The following SIK2 variants were observed in gnomAD, a reference collection of about 807,000 sequenced individuals.
SIK2 encodes salt inducible kinase 2.
In SIK2, 29 loss-of-function variants were observed where a neutral mutation model predicts 103.2. That is an observed-to-expected ratio of 0.28 (90% CI 0.21 to 0.38). The LOEUF is 0.38. Among genes scored for constraint, SIK2 ranks in the 10% least tolerant of loss-of-function variants. The pLI is 1.00. For missense variants in SIK2, 879 were observed against 1,171.0 expected, an observed-to-expected ratio of 0.75 and a Z score of 3.64; for synonymous variants, 412 against 446.1, an observed-to-expected ratio of 0.92 and a Z score of 0.96.
chr11:111,692,429 G>A (rs1382711907), intron 4 of SIK2, among the ~76,000 whole-genome samples: 1 of 147,482 alleles, frequency 6.8e-6, no homozygotes, highest in Non-Finnish European at 1.5e-5. Flanking sequence ...AGAGATCGAG[G>A]CTGGGGTATC....
chr11:111,671,760 C>A, intron 3 of SIK2: 1 of 410,210 alleles, frequency 2.4e-6, no homozygotes, highest in South Asian at 2.1e-5. Context: ...GACTCCAGCT[C>A]TGCTTTGTTC....
Position 111,724,072 on chromosome 11 carries a change from T to C in SIK2, c.2724T>C (p.Asp908=). ...TCTCTGAGCTACCTGGACTCTTTGA[T>C]TGTGAAATGCTAGACGCTGTGGATC... ...LALSELPGLF[D]CEMLDAVDPQ... Residue 908 remains aspartate (D), a synonymous_variant, in exon 15 of 15, where the codon GAT becomes GAC. Transcript: ENST00000304987. 3.7e-6 allele frequency: 6 copies of C among 1,613,874 alleles called. No homozygotes were observed. Among genetic ancestry groups the C allele is most frequent in the Non-Finnish European group, 5.1e-6 (6 of 1,180,036 alleles).
intron 1 of SIK2, among the ~76,000 whole-genome samples, chr11:111,606,881 A>G (rs1022835136): frequency 2.0e-5 from 3 of 152,122 alleles, no homozygotes; most frequent in Admixed American, 1.3e-4. Flanking sequence ...TGGGAGGCCA[A>G]TGCAGATGGG....
chr11:111,692,349 T>C (rs2135902458), intron 4 of SIK2, among the ~76,000 whole-genome samples: 1 of 31,312 alleles, frequency 3.2e-5, no homozygotes, highest in African/African-American at 1.5e-4. Flanking sequence ...AGACTCAGTC[T>C]CAAAAAAAAA....
intron 9 of SIK2, among the ~76,000 whole-genome samples, chr11:111,716,213 G>C (rs956505656): frequency 2.0e-5 from 3 of 152,326 alleles, no homozygotes; most frequent in South Asian, 4.1e-4. Flanking sequence ...TGCAGACACA[G>C]TGGAGGTGTT....
chr11:111,612,818 C>A (rs866978704), intron 1 of SIK2, among the ~76,000 whole-genome samples: 5 of 151,300 alleles, frequency 3.3e-5, no homozygotes, highest in South Asian at 4.2e-4. Context: ...GTTAGAGTTC[C>A]CATGTTACAA....
chr11:111,608,034 A>G (rs1045501686), intron 1 of SIK2, among the ~76,000 whole-genome samples: 1 of 152,188 alleles, frequency 6.6e-6, no homozygotes. Context: ...TTGGAGGCAA[A>G]TGGGTTCCAG....
intron 9 of SIK2, among the ~76,000 whole-genome samples, chr11:111,716,770 C>T (rs928198220): frequency 1.3e-5 from 2 of 151,890 alleles, no homozygotes; most frequent in Admixed American, 6.6e-5. Context: ...GGGGTACTGC[C>T]GGGTATTTTG....
Position 111,720,724 on chromosome 11 carries a change from G to A in SIK2, c.1742G>A (p.Arg581Lys). Residue 581 changes from arginine (R) to lysine (K), a missense_variant, in exon 11 of 15, where the codon AGA becomes AAA. Physicochemically the swap from Arg to Lys is conservative, Grantham distance 26. Coordinates refer to ENST00000304987, the MANE Select transcript of SIK2 (RefSeq NM_015191.3). ...EVHNRSPVSF[R>K]EGRRASDTSL... ...CACAACAGGTCTCCAGTGAGCTTCA[G>A]AGAGGGCCGCAGAGCATCAGATACC... is the stretch of plus-strand genomic sequence containing the variant. 1 of 1,610,282 alleles carries A rather than the reference G, an allele frequency of 6.2e-7. No individual in the cohort carries two copies. Among genetic ancestry groups the A allele is most frequent in the Non-Finnish European group, 8.5e-7 (1 of 1,178,280 alleles).
chr11:111,607,888 C>T (rs1170586961), intron 1 of SIK2, among the ~76,000 whole-genome samples: 1 of 152,108 alleles, frequency 6.6e-6, no homozygotes, highest in East Asian at 1.9e-4. Flanking sequence ...TGATTTTAAA[C>T]CCTCTGGGAA....
intron 3 of SIK2, among the ~76,000 whole-genome samples, chr11:111,684,412 C>A (rs191319167): frequency 1.7e-4 from 26 of 152,198 alleles, no homozygotes; most frequent in Admixed American, 5.2e-4. Flanking sequence ...TTCCCACTAA[C>A]CTCCATTGAC....
chr11:111,606,312 A>G (rs999100352), intron 1 of SIK2, among the ~76,000 whole-genome samples: 1 of 152,076 alleles, frequency 6.6e-6, no homozygotes, highest in African/African-American at 2.4e-5. Flanking sequence ...TCTTATTATA[A>G]TATAAAAAAT....
chr11:111,603,064 G>T (rs1030503383), intron 1 of SIK2, among the ~76,000 whole-genome samples: 1 of 151,878 alleles, frequency 6.6e-6, no homozygotes, highest in African/African-American at 2.4e-5. Context: ...CCTGCTTTCG[G>T]CTGGGGGTGG....
chr11:111,707,959 T>A (rs922137629), intron 8 of SIK2, among the ~76,000 whole-genome samples: 16 of 152,286 alleles, frequency 1.1e-4, no homozygotes, highest in African/African-American at 3.9e-4. Flanking sequence ...ATACAGTTAG[T>A]TAACCTGTAC....
chr11:111,611,236 G>A (rs1382958958), intron 1 of SIK2, among the ~76,000 whole-genome samples: 1 of 84,000 alleles, frequency 1.2e-5, no homozygotes, highest in Non-Finnish European at 2.5e-5. Context: ...GCAACAGAGT[G>A]AGACCCTGTC....
intron 3 of SIK2, among the ~76,000 whole-genome samples, chr11:111,648,829 G>T (rs1942291348): frequency 1.3e-5 from 2 of 151,888 alleles, no homozygotes; most frequent in South Asian, 4.2e-4. Flanking sequence ...GAAAAAATAG[G>T]TACTGTATTT....
chr11:111,636,702 C>A (rs1290281984), intron 3 of SIK2, among the ~76,000 whole-genome samples: 1 of 152,116 alleles, frequency 6.6e-6, no homozygotes, highest in Non-Finnish European at 1.5e-5. Flanking sequence ...ATTGTGAGAT[C>A]TTACACGTCT....
chr11:111,656,580 T>G (rs1202449565), intron 3 of SIK2, among the ~76,000 whole-genome samples: 2 of 152,232 alleles, frequency 1.3e-5, no homozygotes, highest in Non-Finnish European at 1.5e-5. Flanking sequence ...TTAAGGTTAA[T>G]GGAAAGAAAC....
At chr11:111,627,323 A>G (rs2135845802) in intron 3 of SIK2, among the ~76,000 whole-genome samples, 1 of 152,256 alleles carries the variant, frequency 6.6e-6, no homozygotes, top group Middle Eastern at 3.4e-3. Context: ...GAGGTCAACT[A>G]TGGCCTGAAA....
Sources: gnomAD v4.1 joint callset for allele counts (sites outside exome capture counted in the v4.1 genomes callset) on GRCh38, gnomAD v4.1.1 for gene constraint, MANE v1.5 for transcripts, NCBI Gene and HGNC (gene_info 2026-07-23, HGNC 2026-07-21) for gene names.